LCT: variants seen among roughly 807,000 people sequenced by gnomAD.
LCT encodes lactase/phlorizin hydrolase.
LCT carries 90 observed loss-of-function variants against 173.0 expected under a neutral mutation model. That is an observed-to-expected ratio of 0.52 (90% CI 0.44 to 0.62). The LOEUF is 0.62. Ranked by LOEUF, LCT falls within the 20% of genes least tolerant of loss-of-function variation. LCT has a pLI of 0.00. For synonymous variants in LCT, 853 were observed against 957.6 expected (o/e 0.89, Z 2.02); for missense variants, 1,864 against 2,431.4 (o/e 0.77, Z 4.91).
At position 135,788,230 on chromosome 2, in the gene LCT, T is replaced by C; in HGVS notation, c.*94A>G. 1.1e-6 allele frequency: 1 copy of C among 883,942 alleles called. No homozygotes were observed. The highest frequency in any genetic ancestry group is 1.3e-5 in the South Asian group (1 of 75,910). 54.8% of individuals were successfully genotyped at this position (883,942 alleles called of 1,614,324 possible). A position where few individuals can be genotyped will look rare whatever the true frequency, so the allele number is the denominator to read the frequency against. Reference sequence around the variant, plus strand: ...AGCAGGACTTTATGGAGAAGTCCAGTATCAGCAGAGTCTAAGACCCTAAGG... The same window carrying C: ...AGCAGGACTTTATGGAGAAGTCCAGCATCAGCAGAGTCTAAGACCCTAAGG... On this transcript the variant is annotated 3_prime_UTR_variant, in exon 17 of 17. Coordinates refer to ENST00000264162, the MANE Select transcript of LCT (RefSeq NM_002299.4).
chr2:135,793,429 C>T (rs2077549860), intron 14 of LCT, among the ~76,000 whole-genome samples: 1 of 152,186 alleles, frequency 6.6e-6, no homozygotes, highest in African/African-American at 2.4e-5. Flanking sequence ...GGGGTGAGCA[C>T]CACATCAAGG....
intron 14 of LCT, among the ~76,000 whole-genome samples, chr2:135,793,302 T>C (rs1408650346): frequency 1.3e-5 from 2 of 152,120 alleles, no homozygotes; most frequent in Admixed American, 6.5e-5. Context: ...CAGGACTCTT[T>C]GCAGACATTC....
At chr2:135,833,675 T>G (rs1014990280) in intron 1 of LCT, among the ~76,000 whole-genome samples, 1 of 151,492 alleles carries the variant, frequency 6.6e-6, no homozygotes, top group African/African-American at 2.4e-5. Flanking sequence ...CTCGATCTCC[T>G]GACCTCATGA....
At chr2:135,831,756 C>T (rs1330703128) in intron 2 of LCT, among the ~76,000 whole-genome samples, 1 of 152,106 alleles carries the variant, frequency 6.6e-6, no homozygotes, top group Non-Finnish European at 1.5e-5. Flanking sequence ...CCTGGGGCCC[C>T]CATCAACGCA....
rs747518550 is a variant in LCT at position 135,836,717 on chromosome 2, G to A, written c.453C>T (p.Phe151=). 16 of 1,614,054 alleles carry A rather than the reference G, an allele frequency of 9.9e-6. No individual in the cohort carries two copies. The highest frequency in any genetic ancestry group is 2.7e-5 in the African/African-American group (2 of 74,916). ...GGAAGGCGAATGTGGCATAGTCGGC[G>A]AAGAGGTCAGCAAAGGCTTCGGTTC... The part of the protein sequence containing the change: ...LRRTEAFADL[F]ADYATFAFHS... Residue 151 remains phenylalanine (F), a synonymous_variant, in exon 1 of 17, where the codon TTC becomes TTT. Transcript: ENST00000264162.
Position 135,809,917 on chromosome 2 carries a change from A to G in LCT, c.2430T>C (p.Gly810=). The change falls in exon 8 of 17, where the codon GGT becomes GGC. Residue 810 remains glycine, a synonymous_variant. Coordinates refer to ENST00000264162, the MANE Select transcript of LCT (RefSeq NM_002299.4). This position sits in a 1 kb window ranked among gnomAD's most constrained non-coding sequence, Gnocchi z 5.5. ...SLIDGFEGPS[G]YSQRFGLHHV... ...GGTGCAGGCCAAACCGCTGGCTGTA[A>G]CCAGAAGGGCCTTCGAAGCCATCAA... 3 of 1,614,208 alleles carry G rather than the reference A, an allele frequency of 1.9e-6. No homozygotes were observed. The highest frequency in any genetic ancestry group is 2.5e-6 in the Non-Finnish European group (3 of 1,180,034).
At chr2:135,823,114 A>G (rs1360003484) in intron 4 of LCT, 1 of 152,908 alleles carries the variant, frequency 6.5e-6, no homozygotes, top group Admixed American at 6.5e-5. Context: ...AGAGTATTCT[A>G]TTATAGCAAC....
chr2:135,815,324 C>T (rs2077770046), intron 6 of LCT, among the ~76,000 whole-genome samples: 1 of 152,080 alleles, frequency 6.6e-6, no homozygotes, highest in African/African-American at 2.4e-5. Flanking sequence ...ATCTCAAGAG[C>T]CACAGTTCAA....
chr2:135,795,213 A>AT (rs5834447), intron 13 of LCT, among the ~76,000 whole-genome samples: 1 of 147,512 alleles, frequency 6.8e-6, no homozygotes, highest in African/African-American at 2.5e-5. Context: ...ATCTTGTATA[A>AT]TTTTTTTTTT....
intron 13 of LCT, among the ~76,000 whole-genome samples, chr2:135,796,137 T>C (rs1361517120): frequency 6.6e-6 from 1 of 152,196 alleles, no homozygotes; most frequent in African/African-American, 2.4e-5. Flanking sequence ...AATACACTTG[T>C]GTGCAGCATG....
intron 3 of LCT, among the ~76,000 whole-genome samples, chr2:135,828,271 C>A (rs1558745297): frequency 6.6e-6 from 1 of 152,208 alleles, no homozygotes; most frequent in Non-Finnish European, 1.5e-5. Context: ...GATCCACCCA[C>A]CTCGGCCTCC....
intron 6 of LCT, among the ~76,000 whole-genome samples, chr2:135,814,836 T>A (rs1375091191): frequency 6.6e-6 from 1 of 152,114 alleles, no homozygotes; most frequent in South Asian, 2.1e-4. Flanking sequence ...TTTCTTTAAA[T>A]TTTTTCCTTA....
At chr2:135,828,756 T>G (rs2077907871) in intron 3 of LCT, among the ~76,000 whole-genome samples, 1 of 152,150 alleles carries the variant, frequency 6.6e-6, no homozygotes, top group Admixed American at 6.5e-5. Flanking sequence ...TGAGCCCGCA[T>G]CATTAGACTT....
chr2:135,802,092 A>C (rs1412342472), intron 11 of LCT, among the ~76,000 whole-genome samples: 1 of 152,192 alleles, frequency 6.6e-6, no homozygotes, highest in Non-Finnish European at 1.5e-5. Context: ...GAATGCTGCA[A>C]GAGAGGCGCC....
chr2:135,808,691 G>A lies in LCT; in HGVS notation c.3656C>T (p.Pro1219Leu). Residue 1219 changes from proline (P) to leucine (L), a missense_variant, in exon 8 of 17, where the codon CCC (proline) becomes CTC (leucine). Pro to Leu is a moderately conservative substitution (Grantham distance 98, BLOSUM62 -3). Coordinates refer to ENST00000264162, the MANE Select transcript of LCT (RefSeq NM_002299.4). Reference sequence around the variant, plus strand: ...TTCGTAGGAGGGTGGGTTTAGCCTGGGTGTTTTGTGCTGCACGATTCTGGA... The same window carrying A: ...TTCGTAGGAGGGTGGGTTTAGCCTGAGTGTTTTGTGCTGCACGATTCTGGA... The part of the protein sequence containing the change: ...YYSRIVQHKT[P>L]RLNPPSYEDD... The A allele has an allele frequency of 6.2e-7, 1 of 1,614,186 alleles. No homozygotes were observed. Among genetic ancestry groups the A allele is most frequent in the Non-Finnish European group, 8.5e-7 (1 of 1,180,030 alleles).
chr2:135,826,330 G>T (rs1487990750), intron 3 of LCT, among the ~76,000 whole-genome samples: 1 of 151,200 alleles, frequency 6.6e-6, no homozygotes, highest in African/African-American at 2.4e-5. Context: ...GAGGGGGGTG[G>T]TGGATCACTT....
intron 3 of LCT, among the ~76,000 whole-genome samples, chr2:135,828,271 C>G (rs1558745297): frequency 6.6e-6 from 1 of 152,326 alleles, no homozygotes; most frequent in South Asian, 2.1e-4. Context: ...GATCCACCCA[C>G]CTCGGCCTCC....
At position 135,796,737 on chromosome 2, in the gene LCT, G is replaced by A. The variant is rs550142863; in HGVS notation, c.4976+1292C>T. Among the ~76,000 whole-genome samples the A allele has an allele frequency of 1.6e-4, 24 of 152,254 alleles. 1 individual carries two copies. The highest frequency in any genetic ancestry group is 3.4e-3 in the Middle Eastern group (1 of 294). ...TGATCTGTCAGCAGCTTGAGGAGCCGAATGGAATCCTCTCCTTCCATGGAC... is the reference window on the plus strand; with the variant it reads ...TGATCTGTCAGCAGCTTGAGGAGCCAAATGGAATCCTCTCCTTCCATGGAC... On this transcript the variant is annotated intron_variant, in intron 13 of 16. Coordinates refer to ENST00000264162, the MANE Select transcript of LCT (RefSeq NM_002299.4).
intron 4 of LCT, among the ~76,000 whole-genome samples, chr2:135,823,265 T>G (rs958249323): frequency 6.6e-6 from 1 of 152,128 alleles, no homozygotes; most frequent in Non-Finnish European, 1.5e-5. Flanking sequence ...CCTCCCTTCT[T>G]GCAGAGTCTC....
Sources: allele counts gnomAD v4.1 joint callset (sites outside exome capture counted in the v4.1 genomes callset), GRCh38; gene constraint gnomAD v4.1.1; non-coding constraint Gnocchi (gnomAD v3.1); transcripts MANE v1.5; gene names NCBI Gene and HGNC (gene_info 2026-07-23, HGNC 2026-07-21).